The following SLC4A4 variants were observed in gnomAD, a reference collection of about 807,000 sequenced individuals.
The protein encoded by SLC4A4 is solute carrier family 4 member 4.
A neutral mutation model predicts 111.5 loss-of-function variants in SLC4A4; 27 were observed. The observed-to-expected ratio is 0.24, with a 90% CI of 0.18 to 0.33. The LOEUF (loss-of-function observed/expected upper bound fraction) is 0.33, where lower values mean the gene tolerates loss of function less well. Among genes scored for constraint, SLC4A4 ranks in the 10% least tolerant of loss-of-function variants. SLC4A4 has a pLI of 1.00. For missense variants in SLC4A4, 909 were observed against 1,315.5 expected (o/e 0.69, Z 4.78); for synonymous variants, 443 against 463.4 (o/e 0.96, Z 0.57).
At chr4:71,499,669 T>C (rs192989681) in intron 16 of SLC4A4, among the ~76,000 whole-genome samples, 1 of 152,318 alleles carries the variant, frequency 6.6e-6, no homozygotes. Context: ...TGAGATCATG[T>C]AGTATCTGTC....
At chr4:71,449,519 C>A (rs1725568599) in intron 9 of SLC4A4, among the ~76,000 whole-genome samples, 3 of 152,094 alleles carry the variant, frequency 2.0e-5, no homozygotes, top group African/African-American at 7.2e-5. Flanking sequence ...ACCCCACAAC[C>A]CCCAGACTGT....
At chr4:71,214,012 C>G (rs532685684) in intron 1 of SLC4A4, among the ~76,000 whole-genome samples, 16 of 152,338 alleles carry the variant, frequency 1.1e-4, no homozygotes, top group Non-Finnish European at 2.1e-4. Flanking sequence ...CCTACGTAGG[C>G]TGCTCCCTTG....
At chr4:71,527,696 TA>T (rs201680509) in intron 16 of SLC4A4, among the ~76,000 whole-genome samples, 257 of 146,054 alleles carry the variant, frequency 1.8e-3, no homozygotes, top group Admixed American at 5.1e-3. Context: ...TCCTCTTTAT[TA>T]AAAAAAAAAA....
At chr4:71,454,566 G>A (rs1241062310) in intron 12 of SLC4A4, among the ~76,000 whole-genome samples, 1 of 151,810 alleles carries the variant, frequency 6.6e-6, no homozygotes, top group Non-Finnish European at 1.5e-5. Context: ...TTTAAATGCA[G>A]CTGATTCCAT....
chr4:71,139,573 G>T (rs753499598), intron 2 of SLC4A4, among the ~76,000 whole-genome samples: 1 of 152,160 alleles, frequency 6.6e-6, no homozygotes, highest in Non-Finnish European at 1.5e-5. Flanking sequence ...GCGATTTTCA[G>T]CATGCCCCAG....
intron 6 of SLC4A4, among the ~76,000 whole-genome samples, chr4:71,383,253 A>G (rs1227375486): frequency 1.3e-5 from 2 of 152,216 alleles, no homozygotes; most frequent in African/African-American, 2.4e-5. Flanking sequence ...AGAACTTTCT[A>G]TATCCGTGAT....
At chr4:71,378,134 A>G (rs181754175) in intron 6 of SLC4A4, among the ~76,000 whole-genome samples, 88 of 152,318 alleles carry the variant, frequency 5.8e-4, no homozygotes, top group African/African-American at 2.0e-3. Context: ...GGGAGATACA[A>G]TTCAAGTTGA....
At chr4:71,501,928 G>A (rs946027635) in intron 16 of SLC4A4, among the ~76,000 whole-genome samples, 2 of 151,944 alleles carry the variant, frequency 1.3e-5, no homozygotes, top group African/African-American at 2.4e-5. Flanking sequence ...CTCTCAAAGT[G>A]CTGGGATTAC....
At chr4:71,460,636 C>T (rs1041979410) in intron 12 of SLC4A4, among the ~76,000 whole-genome samples, 1 of 152,082 alleles carries the variant, frequency 6.6e-6, no homozygotes, top group African/African-American at 2.4e-5. Context: ...GATTTATTGG[C>T]TGTAGCTACA....
chr4:71,226,479 C>T (rs959630471), intron 1 of SLC4A4, among the ~76,000 whole-genome samples: 2 of 152,080 alleles, frequency 1.3e-5, no homozygotes, highest in Non-Finnish European at 2.9e-5. Context: ...TTTAATTTGA[C>T]CCCTACATTT....
At chr4:71,308,368 C>T (rs965251514) in intron 3 of SLC4A4, among the ~76,000 whole-genome samples, 1 of 152,136 alleles carries the variant, frequency 6.6e-6, no homozygotes, top group Admixed American at 6.5e-5. Context: ...TAAGCCCATC[C>T]AGAGCACTAT....
chr4:71,522,503 A>G (rs1418711416), intron 16 of SLC4A4, among the ~76,000 whole-genome samples: 1 of 152,234 alleles, frequency 6.6e-6, no homozygotes. Context: ...AATGAAAACC[A>G]TAGTTTAAAA....
Position 71,301,386 on chromosome 4 carries a change from A to G in SLC4A4, c.254-37984A>G, listed in dbSNP as rs575848450. On this transcript the variant is annotated intron_variant, in intron 3 of 25. Coordinates refer to ENST00000264485, the MANE Select transcript of SLC4A4 (RefSeq NM_001098484.3). ...AAGAGTAAGGGACTGGTGGCCCTTGAAGCCACAGTCTTGGGGCCAGTCTGA... is the reference window on the plus strand; with the variant it reads ...AAGAGTAAGGGACTGGTGGCCCTTGGAGCCACAGTCTTGGGGCCAGTCTGA... Among the ~76,000 whole-genome samples, 6 of 152,256 alleles carry G rather than the reference A, an allele frequency of 3.9e-5. No homozygotes were observed. The South Asian group carries it at 1.2e-3, about 32-fold the overall frequency.
At chr4:71,245,488 G>A (rs555824488) in intron 2 of SLC4A4, among the ~76,000 whole-genome samples, 1 of 152,232 alleles carries the variant, frequency 6.6e-6, no homozygotes, top group African/African-American at 2.4e-5. Flanking sequence ...ATGGGTGGAT[G>A]TATGGATGGG....
At chr4:71,199,527 G>A (rs1314965410) in intron 1 of SLC4A4, among the ~76,000 whole-genome samples, 1 of 152,140 alleles carries the variant, frequency 6.6e-6, no homozygotes, top group Non-Finnish European at 1.5e-5. Context: ...GTAATACTGT[G>A]TATGCAAATT....
Position 71,255,407 on chromosome 4 carries a change from C to G in SLC4A4, c.253+8C>G. The G allele has an allele frequency of 6.2e-7, 1 of 1,613,132 alleles. No homozygotes were observed. The highest frequency in any genetic ancestry group is 2.2e-5 in the East Asian group (1 of 44,872). Reference sequence around the variant, plus strand: ...GCATCCTAAAACCTCTCAGTGAGTACTCTCTGAGCGTTGGTGCCTCTCTCT... The same window carrying G: ...GCATCCTAAAACCTCTCAGTGAGTAGTCTCTGAGCGTTGGTGCCTCTCTCT... On this transcript the variant is annotated splice_region_variant and intron_variant, in intron 3 of 25. Transcript: ENST00000264485.
chr4:71,475,420 T>C (rs1017607420), intron 14 of SLC4A4, among the ~76,000 whole-genome samples: 5 of 151,918 alleles, frequency 3.3e-5, no homozygotes, highest in African/African-American at 1.2e-4. Flanking sequence ...TTTGTTTTTT[T>C]TGAAAAAGTG....
intron 20 of SLC4A4, among the ~76,000 whole-genome samples, chr4:71,552,736 T>A (rs1206261111): frequency 6.6e-6 from 1 of 151,830 alleles, no homozygotes; most frequent in Non-Finnish European, 1.5e-5. Flanking sequence ...TCCATAAAAT[T>A]TCCTTTACAT....
At chr4:71,324,005 A>G (rs909267667) in intron 3 of SLC4A4, among the ~76,000 whole-genome samples, 2 of 151,896 alleles carry the variant, frequency 1.3e-5, no homozygotes, top group African/African-American at 2.4e-5. Context: ...TTTTTTGCAG[A>G]TAGAGGGCAT....
Sources: allele counts gnomAD v4.1 joint callset (sites outside exome capture counted in the v4.1 genomes callset), GRCh38; gene constraint gnomAD v4.1.1; transcripts MANE v1.5; gene names NCBI Gene and HGNC (gene_info 2026-07-23, HGNC 2026-07-21).